Variants in SHROOM2 observed in about 807,000 individuals in gnomAD.
SHROOM2 encodes the protein shroom family member 2, also known as protein Shroom2.
SHROOM2 carries 33 observed loss-of-function variants against 75.9 expected under a neutral mutation model. That is an observed-to-expected ratio of 0.43 (90% confidence interval 0.33 to 0.58). The LOEUF is 0.58. Among genes scored for constraint, SHROOM2 ranks in the 20% least tolerant of loss-of-function variants. SHROOM2 has a pLI of 0.04. For missense variants in SHROOM2, 1,434 were observed against 1,461.2 expected (o/e 0.98, Z 0.30); for synonymous variants, 655 against 663.6 (o/e 0.99, Z 0.20).
At chrX:9,914,107 C>G (rs2084462740) in intron 5 of SHROOM2, among the ~76,000 whole-genome samples, 1 of 93,258 alleles carries the variant, frequency 1.1e-5, no homozygotes, top group Non-Finnish European at 2.1e-5. Flanking sequence ...CCAACCCAAA[C>G]CAACACCATA....
Position 9,948,798 on chromosome X carries a change from G to GC in SHROOM2, c.*1862dup, listed in dbSNP as rs1179447115. On this transcript the variant is annotated 3_prime_UTR_variant, in exon 10 of 10. Coordinates refer to ENST00000380913, the MANE Select transcript of SHROOM2 (RefSeq NM_001649.4). ...CAGCGAAGCTTCCTCCTCCTCTCCA[G>GC]CTGGTAGTCACTTGCGTGAATGCTG... The GC allele has an allele frequency of 1.8e-5, 2 of 113,036 alleles. No individual in the cohort carries two copies. Among genetic ancestry groups the GC allele is most frequent in the African/African-American group, 6.4e-5 (2 of 31,092 alleles). The allele number at this position is 113,036 out of a possible 1,213,427, so 9.3% of individuals were successfully genotyped here.
In SHROOM2 at chrX:9,836,597, T is replaced by TTG. The variant is rs1491251104; in HGVS notation, c.166-37054_166-37053insGT. On this transcript the variant is annotated intron_variant, in intron 1 of 9. Transcript: ENST00000380913. ...TTATCGAGATATGTGATTTTCTTTC[T>TTG]TTTTTTTTGTTAAGAGACAGGGTCT... Among the ~76,000 whole-genome samples, 3 of 12,409 alleles carry TTG rather than the reference T, an allele frequency of 2.4e-4. No individual in the cohort carries two copies. The East Asian group carries it at 0.021, about 87-fold the overall frequency. The allele number at this position is 12,409 out of a possible 115,157, so 10.8% of individuals were successfully genotyped here. A position where few individuals can be genotyped will look rare whatever the true frequency, so the allele number is the denominator to read the frequency against.
At chrX:9,861,466 G>A (rs1004566928) in intron 1 of SHROOM2, among the ~76,000 whole-genome samples, 5 of 111,861 alleles carry the variant, frequency 4.5e-5, no homozygotes, top group Admixed American at 9.5e-5. Context: ...CACCATGCCC[G>A]GCATATATAA....
intron 5 of SHROOM2, among the ~76,000 whole-genome samples, chrX:9,919,104 C>T (rs189280192): frequency 1.0e-3 from 111 of 111,258 alleles, no homozygotes; most frequent in African/African-American, 3.3e-3. Context: ...CTGCAATCTG[C>T]TTTGTGCCAG....
intron 1 of SHROOM2, among the ~76,000 whole-genome samples, chrX:9,815,802 T>C (rs934521293): frequency 9.0e-6 from 1 of 110,546 alleles, no homozygotes; most frequent in Non-Finnish European, 1.9e-5. Flanking sequence ...TTTCACGTCT[T>C]TCTGTCTGCT....
chrX:9,870,046 C>T (rs1282124720), intron 1 of SHROOM2, among the ~76,000 whole-genome samples: 1 of 111,107 alleles, frequency 9.0e-6, no homozygotes, highest in Non-Finnish European at 1.9e-5. Flanking sequence ...AGGGAGACCC[C>T]CATCTCTACA....
rs1285768877 is a variant in SHROOM2, at chrX:9,801,120, A to G, written c.165+14410A>G. ...TGGCAGAAGAACAAGGAAGAGCAGA[A>G]GGATGTCTTACATGGCAGCAGGCAA... On this transcript the variant is annotated intron_variant, in intron 1 of 9. Transcript: ENST00000380913. 2.7e-5 allele frequency among the ~76,000 whole-genome samples: 3 copies of G among 111,785 alleles called. No individual in the cohort carries two copies. In the East Asian group the frequency reaches 8.4e-4, roughly 31 times the overall value.
At chrX:9,846,842 G>A (rs996129646) in intron 1 of SHROOM2, among the ~76,000 whole-genome samples, 1 of 112,276 alleles carries the variant, frequency 8.9e-6, no homozygotes, top group Non-Finnish European at 1.9e-5. Context: ...GTTGGCGTCT[G>A]CCTTCCAGAG....
intron 5 of SHROOM2, among the ~76,000 whole-genome samples, chrX:9,908,972 T>TAAATAAATAAATAAATAAAA (rs1210622743): frequency 9.1e-5 from 10 of 109,586 alleles, no homozygotes; most frequent in Middle Eastern, 4.7e-3. Context: ...AATAAATAAA[T>TAAATAAATAAATAAATAAAA]AAAAACAAAA....
intron 1 of SHROOM2, among the ~76,000 whole-genome samples, chrX:9,796,984 A>G (rs892335379): frequency 8.9e-6 from 1 of 112,057 alleles, no homozygotes; most frequent in African/African-American, 3.2e-5. Context: ...GGAAGTGGCA[A>G]TAGTGGGAAA....
intron 1 of SHROOM2, chrX:9,818,136 ATGT>A: frequency 7.5e-6 from 1 of 134,226 alleles, no homozygotes; most frequent in Non-Finnish European, 1.5e-5. Flanking sequence ...GTGTAGCTTG[ATGT>A]TAAGCCATTT....
chrX:9,792,691 A>G (rs1234085521), intron 1 of SHROOM2, among the ~76,000 whole-genome samples: 2 of 108,388 alleles, frequency 1.8e-5, no homozygotes, highest in Non-Finnish European at 3.8e-5. Flanking sequence ...AACACTTCTT[A>G]CTCATAGAAG....
At chrX:9,934,540 C>G (rs1240088736) in intron 6 of SHROOM2, among the ~76,000 whole-genome samples, 1 of 111,274 alleles carries the variant, frequency 9.0e-6, no homozygotes, top group African/African-American at 3.3e-5. Flanking sequence ...ATAATAAGAT[C>G]TCATAGACTG....
Position 9,786,611 on chromosome X carries a change from C to G in SHROOM2, c.66C>G (p.Asp22Glu), listed in dbSNP as rs1054233498. The G allele has an allele frequency of 1.0e-5, 9 of 877,022 alleles. No homozygotes were observed. In the African/African-American group the frequency reaches 1.9e-4, roughly 19 times the overall value. The allele number at this position is 877,022 out of a possible 1,213,427, so 72.3% of individuals were successfully genotyped here. A position where few individuals can be genotyped will look rare whatever the true frequency, so the allele number is the denominator to read the frequency against. Residue 22 changes from aspartate to glutamate, a missense_variant, in exon 1 of 10, where the codon GAC (aspartate) becomes GAG (glutamate). Physicochemically the swap from Asp to Glu is conservative, Grantham distance 45. Coordinates refer to ENST00000380913, the MANE Select transcript of SHROOM2 (RefSeq NM_001649.4). ...CCGAGGCCGAGACGCGGGCGGCGGA[C>G]GGCGGGCGCCTGGTGGAGGTGCAGC... ...RLAEAETRAA[D>E]GGRLVEVQLS...
chrX:9,860,701 G>T (rs967683301), intron 1 of SHROOM2, among the ~76,000 whole-genome samples: 2 of 112,170 alleles, frequency 1.8e-5, no homozygotes, highest in African/African-American at 6.5e-5. Flanking sequence ...TGGGATTACA[G>T]ACATGAGCCA....
At chrX:9,819,670 C>T (rs1204936666) in intron 1 of SHROOM2, among the ~76,000 whole-genome samples, 1 of 111,773 alleles carries the variant, frequency 8.9e-6, no homozygotes, top group Non-Finnish European at 1.9e-5. Context: ...AATGGCTGCG[C>T]AAAAGCTCTT....
intron 1 of SHROOM2, among the ~76,000 whole-genome samples, chrX:9,794,234 A>G (rs1251838919): frequency 2.7e-5 from 3 of 111,965 alleles, no homozygotes; most frequent in Non-Finnish European, 5.6e-5. Context: ...CTCTGCGTGT[A>G]GCTTCTCCAG....
At chrX:9,808,720 G>A (rs746199592) in intron 1 of SHROOM2, among the ~76,000 whole-genome samples, 1 of 110,226 alleles carries the variant, frequency 9.1e-6, no homozygotes, top group Non-Finnish European at 1.9e-5. Flanking sequence ...AAATTAGCCA[G>A]GCGTGGTATC....
intron 5 of SHROOM2, among the ~76,000 whole-genome samples, chrX:9,926,884 A>C: frequency 9.0e-6 from 1 of 110,628 alleles, no homozygotes; most frequent in East Asian, 2.8e-4. Context: ...AAAATCCAAA[A>C]ACGTCTGAAA....
Sources: gnomAD v4.1 joint callset for allele counts (sites outside exome capture counted in the v4.1 genomes callset) on GRCh38, gnomAD v4.1.1 for gene constraint, MANE v1.5 for transcripts, NCBI Gene and HGNC (gene_info 2026-07-23, HGNC 2026-07-21) for gene names.